Variants in PLD5 observed in about 807,000 individuals in gnomAD.
PLD5 encodes the protein phospholipase D family member 5, also known as inactive phospholipase D5.
A neutral mutation model predicts 61.1 loss-of-function variants in PLD5; 36 were observed. The observed-to-expected ratio is 0.59, with a 90% CI of 0.45 to 0.78. The LOEUF is 0.78. PLD5 is among the 30% of genes least tolerant of loss of function. The pLI is 0.00. For synonymous variants in PLD5, 243 were observed against 242.8 expected, an observed-to-expected ratio of 1.00 and a Z score of -0.01; for missense variants, 515 against 644.4, an observed-to-expected ratio of 0.80 and a Z score of 2.17.
rs182361328 is a variant in PLD5 at position 242,348,851 on chromosome 1, A to G, written c.190-609T>C. 3.4e-3 allele frequency among the ~76,000 whole-genome samples: 525 copies of G among 152,236 alleles called. 2 individuals carry two copies. Among genetic ancestry groups the G allele is most frequent in the South Asian group, 7.5e-3 (36 of 4,822 alleles). The stretch of plus-strand genomic sequence containing the variant: ...GGGCAGATCATGAGGTCAGGAGATC[A>G]AGACCGTCCTGGCTAACACGGTGAA... On this transcript the variant is annotated intron_variant, in intron 1 of 9. Transcript: ENST00000536534.
chr1:242,286,534 T>C (rs1008571320), intron 3 of PLD5, among the ~76,000 whole-genome samples: 13 of 152,026 alleles, frequency 8.6e-5, no homozygotes, highest in African/African-American at 3.1e-4. Flanking sequence ...CTTAATGAAG[T>C]GATCCTATCT....
Position 242,246,586 on chromosome 1 carries a change from A to G in PLD5, c.607+18751T>C, listed in dbSNP as rs1672379744. ...ATTAACACTTTACAGATGTTTTCAC[A>G]TGTGTAAAACTAGATTATCTTTGAA... On this transcript the variant is annotated intron_variant, in intron 4 of 9. Transcript: ENST00000536534. 3.9e-5 allele frequency among the ~76,000 whole-genome samples: 6 copies of G among 152,206 alleles called. No individual in the cohort carries two copies. The South Asian group carries it at 1.2e-3, about 32-fold the overall frequency.
rs1052678602 is a variant in PLD5, at chr1:242,524,358, G to A, written c.-82C>T. 2.4e-6 allele frequency: 3 copies of A among 1,268,766 alleles called. No individual in the cohort carries two copies. Among genetic ancestry groups the A allele is most frequent in the Non-Finnish European group, 3.0e-6 (3 of 987,850 alleles). The allele number at this position is 1,268,766 out of a possible 1,614,324, so 78.6% of individuals were successfully genotyped here. ...AGCCGGGCGCGGAGGGCGAGCGGGA[G>A]GCCCAGCGGGAGCCGGAGGTGGAGC... On this transcript the variant is annotated 5_prime_UTR_variant, in exon 1 of 10. Coordinates refer to ENST00000536534, the MANE Select transcript of PLD5 (RefSeq NM_001372062.1).
At chr1:242,497,933 C>T (rs1668424415) in intron 1 of PLD5, among the ~76,000 whole-genome samples, 1 of 150,896 alleles carries the variant, frequency 6.6e-6, no homozygotes, top group South Asian at 2.1e-4. Flanking sequence ...TTGAAAGAAT[C>T]AGGTTTTCTT....
At chr1:242,305,811 C>CG (rs1456425369) in intron 2 of PLD5, among the ~76,000 whole-genome samples, 1 of 152,176 alleles carries the variant, frequency 6.6e-6, no homozygotes, top group African/African-American at 2.4e-5. Context: ...CCGCCCGCCT[C>CG]GGCCTTCCAA....
intron 1 of PLD5, among the ~76,000 whole-genome samples, chr1:242,462,186 A>T (rs1047405092): frequency 2.0e-5 from 3 of 152,340 alleles, no homozygotes; most frequent in African/African-American, 7.2e-5. Flanking sequence ...ACATGCGCTC[A>T]TATGTTCCTC....
chr1:242,280,544 C>T (rs1415014541), intron 3 of PLD5, among the ~76,000 whole-genome samples: 1 of 152,104 alleles, frequency 6.6e-6, no homozygotes. Flanking sequence ...GGATCTACAA[C>T]AAAACAAAAA....
intron 1 of PLD5, among the ~76,000 whole-genome samples, chr1:242,512,931 G>A (rs1270631154): frequency 1.3e-5 from 2 of 151,878 alleles, no homozygotes; most frequent in Non-Finnish European, 2.9e-5. Flanking sequence ...GAGTGTGGTG[G>A]CACAATCATG....
At chr1:242,304,884 G>A (rs368692982) in intron 2 of PLD5, among the ~76,000 whole-genome samples, 154 of 152,176 alleles carry the variant, frequency 1.0e-3, no homozygotes, top group Middle Eastern at 3.4e-3. Context: ...TGGGCAGATC[G>A]CTTGTGCCCA....
At chr1:242,280,577 C>T (rs573680180) in intron 3 of PLD5, among the ~76,000 whole-genome samples, 1 of 152,216 alleles carries the variant, frequency 6.6e-6, no homozygotes, top group Admixed American at 6.5e-5. Flanking sequence ...TTTTATGTTG[C>T]ATCAGAATAT....
intron 3 of PLD5, among the ~76,000 whole-genome samples, chr1:242,268,063 C>T (rs1202089490): frequency 6.6e-6 from 1 of 151,926 alleles, no homozygotes; most frequent in Non-Finnish European, 1.5e-5. Flanking sequence ...GTGAGAGGCT[C>T]AGGTACAGGA....
chr1:242,114,057 G>C (rs375817268), intron 6 of PLD5, 31 bp from the exon 7 acceptor site: 2 of 1,598,338 alleles, frequency 1.3e-6, no homozygotes, highest in South Asian at 1.1e-5. Context: ...AACTTTTAGC[G>C]TACTAATTTT....
intron 1 of PLD5, among the ~76,000 whole-genome samples, chr1:242,356,586 A>G (rs1660763617): frequency 6.6e-6 from 1 of 151,916 alleles, no homozygotes; most frequent in African/African-American, 2.4e-5. Context: ...AAGATTTACT[A>G]TTGCCATTTT....
chr1:242,402,139 T>G (rs561048411), intron 1 of PLD5, among the ~76,000 whole-genome samples: 2 of 152,334 alleles, frequency 1.3e-5, no homozygotes, highest in African/African-American at 4.8e-5. Flanking sequence ...GAGAATGATA[T>G]GGAATACATT....
In PLD5 at chr1:242,147,681, T is replaced by C. The variant is rs1664634146; in HGVS notation, c.736-23016A>G. ...GTATACTTGCTGGAACTTGGTATTT[T>C]AATTTTTTTATGTTTTGAATATTTT... On this transcript the variant is annotated intron_variant, in intron 5 of 9. Transcript: ENST00000536534. 6 of 152,190 alleles carry C rather than the reference T, an allele frequency of 3.9e-5. No individual in the cohort carries two copies. The South Asian group carries it at 1.2e-3, about 32-fold the overall frequency. The allele number at this position is 152,190 out of a possible 1,614,324, so 9.4% of individuals were successfully genotyped here.
At chr1:242,325,420 G>A (rs1463286582) in intron 2 of PLD5, among the ~76,000 whole-genome samples, 5 of 129,204 alleles carry the variant, frequency 3.9e-5, no homozygotes, top group Non-Finnish European at 6.5e-5. Context: ...GGGGGAGAGC[G>A]AGAGAAAGGG....
intron 2 of PLD5, among the ~76,000 whole-genome samples, chr1:242,293,056 T>C (rs1440259328): frequency 3.3e-5 from 5 of 152,218 alleles, no homozygotes; most frequent in Non-Finnish European, 7.3e-5. Flanking sequence ...CCCTTTTCTT[T>C]GATTACAAAC....
intron 1 of PLD5, among the ~76,000 whole-genome samples, chr1:242,434,129 C>A (rs1359315490): frequency 6.6e-6 from 1 of 152,178 alleles, no homozygotes; most frequent in Admixed American, 6.5e-5. Flanking sequence ...GGCAGCAAGG[C>A]TGGAAACAAG....
At chr1:242,385,132 C>T (rs2149259363) in intron 1 of PLD5, among the ~76,000 whole-genome samples, 1 of 152,164 alleles carries the variant, frequency 6.6e-6, no homozygotes, top group Admixed American at 6.5e-5. Context: ...GACTATAAGT[C>T]ACTATAAACA....
Sources: gnomAD v4.1 joint callset for allele counts (sites outside exome capture counted in the v4.1 genomes callset) on GRCh38, gnomAD v4.1.1 for gene constraint, MANE v1.5 for transcripts, NCBI Gene and HGNC (gene_info 2026-07-23, HGNC 2026-07-21) for gene names.